The following VGLL3 variants were observed in gnomAD, a reference collection of about 807,000 sequenced individuals.
VGLL3 encodes the protein transcription cofactor vestigial-like protein 3.
A neutral mutation model predicts 29.2 loss-of-function variants in VGLL3; 18 were observed. The observed-to-expected ratio is 0.62, with a 90% CI of 0.43 to 0.91. The LOEUF (loss-of-function observed/expected upper bound fraction) is 0.91. VGLL3 is among the 40% of genes least tolerant of loss of function. The pLI, the probability that VGLL3 is intolerant of heterozygous loss-of-function variation, is 0.00. For missense variants in VGLL3, 440 were observed against 413.2 expected (o/e 1.06, Z -0.56); for synonymous variants, 180 against 151.8 (o/e 1.19, Z -1.36).
chr3:86,969,675 TTTTATTTATTTATTTA>T (rs201595037), intron 2 of VGLL3, among the ~76,000 whole-genome samples: 65 of 145,492 alleles, frequency 4.5e-4, no homozygotes, highest in Admixed American at 1.9e-3. Flanking sequence ...TCCAACCTCA[TTTTATTTATTTATTTA>T]TTTATTTATT....
chr3:86,975,700 A>C lies in VGLL3; in HGVS notation c.403+2826T>G, dbSNP rs906764838. On this transcript the variant is annotated intron_variant, in intron 2 of 3. Coordinates refer to ENST00000398399, the MANE Select transcript of VGLL3 (RefSeq NM_016206.4). The stretch of plus-strand genomic sequence containing the variant: ...ACACATTGTTGTGAGCATCAGAAAA[A>C]ATGAGGCACCATAAGAAGATATGGT... 3.9e-5 allele frequency among the ~76,000 whole-genome samples: 6 copies of C among 152,324 alleles called. No homozygotes were observed. The East Asian group carries it at 1.2e-3, about 29-fold the overall frequency.
chr3:86,941,451 T>G lies in VGLL3; in HGVS notation c.*5573A>C, dbSNP rs1413642304. On this transcript the variant is annotated 3_prime_UTR_variant, in exon 4 of 4. Transcript: ENST00000398399. ...CCAAATTTAGTAGTCTAGAAATTGTTTTTTTTTTTAAAAAAACAAATTGAT... is the reference window on the plus strand; with the variant it reads ...CCAAATTTAGTAGTCTAGAAATTGTGTTTTTTTTTAAAAAAACAAATTGAT... 1 of 148,986 alleles carries G rather than the reference T, an allele frequency of 6.7e-6. No homozygotes were observed. The highest frequency in any genetic ancestry group is 1.5e-5 in the Non-Finnish European group (1 of 66,182). The allele number at this position is 148,986 out of a possible 1,614,324, so 9.2% of individuals were successfully genotyped here.
At chr3:86,952,650 A>G (rs1704638943) in intron 3 of VGLL3, among the ~76,000 whole-genome samples, 1 of 152,206 alleles carries the variant, frequency 6.6e-6, no homozygotes, top group Non-Finnish European at 1.5e-5. Flanking sequence ...AGCCATGTGG[A>G]TTAGAATGCT....
intron 2 of VGLL3, among the ~76,000 whole-genome samples, chr3:86,971,968 C>A (rs1260897429): frequency 6.6e-6 from 1 of 152,152 alleles, no homozygotes; most frequent in Non-Finnish European, 1.5e-5. Context: ...TGAGCCCCAA[C>A]CACAAGTACG....
chr3:86,983,613 C>T (rs1006376288), intron 1 of VGLL3, among the ~76,000 whole-genome samples: 10 of 152,164 alleles, frequency 6.6e-5, no homozygotes, highest in South Asian at 2.1e-4. Context: ...CTCCAACTCC[C>T]GGCCTTAAGT....
chr3:86,990,642 C>G lies in VGLL3; in HGVS notation c.102G>C (p.Gln34His), dbSNP rs199952484. The G allele has an allele frequency of 6.0e-5, 83 of 1,378,074 alleles. No individual in the cohort carries two copies. Among genetic ancestry groups the G allele is most frequent in the Non-Finnish European group, 7.5e-5 (79 of 1,058,404 alleles). The allele number at this position is 1,378,074 out of a possible 1,614,324, so 85.4% of individuals were successfully genotyped here. A position where few individuals can be genotyped will look rare whatever the true frequency, so the allele number is the denominator to read the frequency against. ...AATTCPTAYY[Q>H]PAPQPGQQKK... ...CCTGCTGGCCAGGTTGGGGCGCCGG[C>G]TGATAGTAGGCTGTGGGGCAGGTTG... Residue 34 changes from glutamine to histidine, a missense_variant, in exon 1 of 4, where the codon CAG becomes CAC. By Grantham distance (24) the Gln-to-His change is conservative. Coordinates refer to ENST00000398399, the MANE Select transcript of VGLL3 (RefSeq NM_016206.4).
intron 3 of VGLL3, among the ~76,000 whole-genome samples, chr3:86,948,202 G>A (rs1428199055): frequency 6.6e-6 from 1 of 152,116 alleles, no homozygotes; most frequent in African/African-American, 2.4e-5. Context: ...AAAACATGAA[G>A]CAAAACTCTT....
At chr3:86,960,224 T>G (rs1369853708) in intron 3 of VGLL3, among the ~76,000 whole-genome samples, 2 of 152,144 alleles carry the variant, frequency 1.3e-5, no homozygotes, top group Non-Finnish European at 2.9e-5. Flanking sequence ...GTGAATAATG[T>G]CCCTTTCACA....
intron 1 of VGLL3, among the ~76,000 whole-genome samples, chr3:86,984,997 C>A (rs963092547): frequency 6.6e-6 from 1 of 152,092 alleles, no homozygotes; most frequent in Non-Finnish European, 1.5e-5. Flanking sequence ...TAAAAAAGAA[C>A]TGAAATGGGA....
chr3:86,971,766 A>G (rs1217117430), intron 2 of VGLL3, among the ~76,000 whole-genome samples: 1 of 152,246 alleles, frequency 6.6e-6, no homozygotes, highest in Non-Finnish European at 1.5e-5. Flanking sequence ...CATACCCACA[A>G]TGAAAGCCAT....
At chr3:86,984,357 C>A (rs1705390693) in intron 1 of VGLL3, among the ~76,000 whole-genome samples, 1 of 152,104 alleles carries the variant, frequency 6.6e-6, no homozygotes, top group African/African-American at 2.4e-5. Flanking sequence ...TATAACTTAA[C>A]AGGATGAGTT....
At chr3:86,955,767 A>C (rs1278457691) in intron 3 of VGLL3, among the ~76,000 whole-genome samples, 1 of 152,194 alleles carries the variant, frequency 6.6e-6, no homozygotes, top group Non-Finnish European at 1.5e-5. Context: ...ATTCAAGTAA[A>C]CATAAATAGG....
intron 3 of VGLL3, among the ~76,000 whole-genome samples, chr3:86,951,418 A>T (rs1160032109): frequency 1.3e-5 from 2 of 152,154 alleles, no homozygotes; most frequent in African/African-American, 2.4e-5. Flanking sequence ...ATTGATTTAC[A>T]TTCATGAAAG....
intron 3 of VGLL3, 52 bp from the exon 4 acceptor site, chr3:86,947,119 C>T (rs374411261): frequency 9.9e-5 from 77 of 777,060 alleles, no homozygotes; most frequent in Non-Finnish European, 1.8e-4. Context: ...ACATATGGTA[C>T]CAAAAATAAG....
chr3:86,957,012 T>A lies in VGLL3; in HGVS notation c.938-9945A>T, dbSNP rs1008912393. On this transcript the variant is annotated intron_variant, in intron 3 of 3. Transcript: ENST00000398399. ...ATAGTCTAACTTCCTTTTTTGTACTTAAAATTTTTTTTGTTTTATATGAGT... is the reference window on the plus strand; with the variant it reads ...ATAGTCTAACTTCCTTTTTTGTACTAAAAATTTTTTTTGTTTTATATGAGT... 1.2e-4 allele frequency among the ~76,000 whole-genome samples: 18 copies of A among 152,110 alleles called. No homozygotes were observed. The East Asian group carries it at 1.4e-3, about 11-fold the overall frequency.
chr3:86,974,636 A>T (rs1705171324), intron 2 of VGLL3, among the ~76,000 whole-genome samples: 1 of 152,184 alleles, frequency 6.6e-6, no homozygotes, highest in South Asian at 2.1e-4. Context: ...ATTAGCTGAC[A>T]CACTATTCTT....
intron 3 of VGLL3, among the ~76,000 whole-genome samples, chr3:86,965,760 A>G (rs549467417): frequency 1.3e-5 from 2 of 152,252 alleles, no homozygotes; most frequent in African/African-American, 4.8e-5. Flanking sequence ...GGAATGTAAA[A>G]GCCCAACCCC....
chr3:86,952,955 G>A (rs1011882062), intron 3 of VGLL3, among the ~76,000 whole-genome samples: 1 of 152,074 alleles, frequency 6.6e-6, no homozygotes, highest in African/African-American at 2.4e-5. Flanking sequence ...GAGCCCTGAG[G>A]CAATCACTTT....
At chr3:86,962,036 A>T in intron 3 of VGLL3, 1 of 985,156 alleles carries the variant, frequency 1.0e-6, no homozygotes, top group South Asian at 4.7e-5. Context: ...TTCTTTTTTC[A>T]ATTAAGCCCT....
Sources: gnomAD v4.1 joint callset for allele counts (sites outside exome capture counted in the v4.1 genomes callset) on GRCh38, gnomAD v4.1.1 for gene constraint, MANE v1.5 for transcripts, NCBI Gene and HGNC (gene_info 2026-07-23, HGNC 2026-07-21) for gene names.